DLGAP1: variants seen among roughly 807,000 people sequenced by gnomAD.
DLGAP1 encodes the protein disks large-associated protein 1.
In DLGAP1, 11 loss-of-function variants were observed where a neutral mutation model predicts 90.8. The observed-to-expected ratio is 0.12, with a 90% CI of 0.08 to 0.20. The LOEUF (loss-of-function observed/expected upper bound fraction) is 0.20. DLGAP1 is among the 10% of genes least tolerant of loss of function. DLGAP1 has a pLI of 1.00. For missense variants in DLGAP1, 1,050 were observed against 1,333.8 expected (o/e 0.79, Z 3.31); for synonymous variants, 558 against 540.7 (o/e 1.03, Z -0.44).
intron 3 of DLGAP1, among the ~76,000 whole-genome samples, chr18:3,897,975 T>C (rs1019650664): frequency 2.0e-5 from 3 of 151,776 alleles, no homozygotes; most frequent in Admixed American, 2.0e-4. Flanking sequence ...TTTGTATTTT[T>C]AGTAGAGACG....
At chr18:4,261,407 T>C (rs2079000075) in intron 1 of DLGAP1, among the ~76,000 whole-genome samples, 1 of 152,114 alleles carries the variant, frequency 6.6e-6, no homozygotes, top group Non-Finnish European at 1.5e-5. Context: ...GCCCCTTAGA[T>C]TTTCCTCATA....
intron 2 of DLGAP1, among the ~76,000 whole-genome samples, chr18:4,082,825 A>G (rs558524238): frequency 6.6e-6 from 1 of 152,068 alleles, no homozygotes; most frequent in South Asian, 2.1e-4. Flanking sequence ...TTCTTTGCTA[A>G]GGCTGGCTTC....
intron 1 of DLGAP1, among the ~76,000 whole-genome samples, chr18:4,292,307 G>T (rs1464559623): frequency 2.0e-5 from 3 of 151,720 alleles, no homozygotes; most frequent in Non-Finnish European, 4.4e-5. Context: ...GCTATTTTTG[G>T]AAAACAGAGA....
chr18:4,123,072 G>A (rs2076178430), intron 2 of DLGAP1, among the ~76,000 whole-genome samples: 1 of 152,150 alleles, frequency 6.6e-6, no homozygotes, highest in Non-Finnish European at 1.5e-5. Flanking sequence ...CCTTGTGTTT[G>A]CATTCAGGGT....
chr18:4,133,913 C>A (rs867231651), intron 2 of DLGAP1, among the ~76,000 whole-genome samples: 5 of 151,512 alleles, frequency 3.3e-5, no homozygotes, highest in African/African-American at 1.2e-4. Flanking sequence ...CAACCAAGAC[C>A]TAGTGAGAGG....
chr18:4,227,663 C>T (rs536001085), intron 1 of DLGAP1, among the ~76,000 whole-genome samples: 1 of 150,834 alleles, frequency 6.6e-6, no homozygotes, highest in Non-Finnish European at 1.5e-5. Context: ...ATAATGGAAA[C>T]ACAATATACA....
chr18:4,301,096 T>C (rs543152086), intron 1 of DLGAP1, among the ~76,000 whole-genome samples: 1 of 152,286 alleles, frequency 6.6e-6, no homozygotes, highest in Non-Finnish European at 1.5e-5. Flanking sequence ...AATTAACATA[T>C]CTATCAACTC....
chr18:3,982,873 ATCT>A (rs2073764110), intron 3 of DLGAP1, among the ~76,000 whole-genome samples: 1 of 152,204 alleles, frequency 6.6e-6, no homozygotes, highest in Admixed American at 6.5e-5. Context: ...TTGCTTAGAT[ATCT>A]TATGAAATTT....
chr18:4,090,447 A>C (rs1039533463), intron 2 of DLGAP1, among the ~76,000 whole-genome samples: 4 of 152,250 alleles, frequency 2.6e-5, no homozygotes, highest in Non-Finnish European at 5.9e-5. Flanking sequence ...ATGTACAGAC[A>C]CTTCTTCAAA....
At chr18:3,770,553 T>C (rs1598667186) in intron 5 of DLGAP1, among the ~76,000 whole-genome samples, 1 of 152,230 alleles carries the variant, frequency 6.6e-6, no homozygotes, top group East Asian at 1.9e-4. Flanking sequence ...ATGTTTTACA[T>C]GGGCTTTAGC....
chr18:3,502,892 T>C lies in DLGAP1; in HGVS notation c.2572-247A>G, dbSNP rs140129684. Among the ~76,000 whole-genome samples, 6 of 152,212 alleles carry C rather than the reference T, an allele frequency of 3.9e-5. 1 individual carries two copies. In the East Asian group the frequency reaches 9.6e-4, roughly 24 times the overall value. On this transcript the variant is annotated intron_variant, in intron 11 of 12. Transcript: ENST00000315677. The stretch of plus-strand genomic sequence containing the variant: ...TACCACATCTATCAATTCAATATGG[T>C]ATGGGGGAAGGGTCTAAACATATGA...
At chr18:4,230,043 C>T (rs551155105) in intron 1 of DLGAP1, among the ~76,000 whole-genome samples, 2 of 152,076 alleles carry the variant, frequency 1.3e-5, no homozygotes, top group East Asian at 3.9e-4. Context: ...AGGTGGTCAC[C>T]ATCATTGATC....
chr18:3,831,867 T>C (rs1353005258), intron 4 of DLGAP1, among the ~76,000 whole-genome samples: 1 of 152,186 alleles, frequency 6.6e-6, no homozygotes, highest in East Asian at 1.9e-4. Flanking sequence ...CTACTGTGTA[T>C]AGGAGGGACT....
intron 5 of DLGAP1, among the ~76,000 whole-genome samples, chr18:3,805,750 T>C (rs1568165600): frequency 6.6e-6 from 1 of 152,236 alleles, no homozygotes; most frequent in East Asian, 1.9e-4. Flanking sequence ...TATAGATATT[T>C]TGTCTGTCTT....
At chr18:3,952,725 A>G (rs2073012384) in intron 3 of DLGAP1, among the ~76,000 whole-genome samples, 1 of 152,258 alleles carries the variant, frequency 6.6e-6, no homozygotes, top group Non-Finnish European at 1.5e-5. Flanking sequence ...AAAGATGTCT[A>G]TTGAATGAAA....
chr18:3,679,024 A>T (rs1191071430), intron 7 of DLGAP1, among the ~76,000 whole-genome samples: 3 of 151,942 alleles, frequency 2.0e-5, no homozygotes, highest in Non-Finnish European at 4.4e-5. Context: ...TAGAGACTGG[A>T]TCTTGTTATG....
At chr18:3,930,250 A>C (rs1178358200) in intron 3 of DLGAP1, among the ~76,000 whole-genome samples, 1 of 151,930 alleles carries the variant, frequency 6.6e-6, no homozygotes, top group Admixed American at 6.6e-5. Context: ...CTTATATGAA[A>C]CTCAGTTTTC....
chr18:4,137,185 A>T (rs2144270033), intron 2 of DLGAP1, among the ~76,000 whole-genome samples: 1 of 152,262 alleles, frequency 6.6e-6, no homozygotes, highest in South Asian at 2.1e-4. Context: ...TTTGCTGAGA[A>T]TGATGGTTTC....
chr18:4,041,757 T>C (rs955169117), intron 2 of DLGAP1, among the ~76,000 whole-genome samples: 1 of 152,188 alleles, frequency 6.6e-6, no homozygotes, highest in Non-Finnish European at 1.5e-5. Context: ...TACAACCACA[T>C]CTGTTTCCTA....
Sources: gnomAD v4.1 joint callset for allele counts (sites outside exome capture counted in the v4.1 genomes callset) on GRCh38, gnomAD v4.1.1 for gene constraint, MANE v1.5 for transcripts, NCBI Gene and HGNC (gene_info 2026-07-23, HGNC 2026-07-21) for gene names.